RBFOX3: variants seen among roughly 807,000 people sequenced by gnomAD.
RBFOX3 encodes RNA binding fox-1 homolog 3, also known as RNA binding protein fox-1 homolog 3.
Under a neutral mutation model 48.7 loss-of-function variants are expected in RBFOX3, and 17 were observed. That is an observed-to-expected ratio of 0.35 (90% CI 0.24 to 0.52). The LOEUF (loss-of-function observed/expected upper bound fraction) is 0.52. RBFOX3 is among the 20% of genes least tolerant of loss of function. The pLI is 0.94. For missense variants in RBFOX3, 382 were observed against 497.5 expected (o/e 0.77, Z 2.21); for synonymous variants, 212 against 209.5 (o/e 1.01, Z -0.10).
intron 2 of RBFOX3, among the ~76,000 whole-genome samples, chr17:79,398,415 A>G (rs1285087321): frequency 6.6e-6 from 1 of 152,192 alleles, no homozygotes; most frequent in African/African-American, 2.4e-5. Context: ...GAGGCCTGGC[A>G]GGAGGACACA....
At chr17:79,097,669 C>CAA in intron 10 of RBFOX3, 23 bp downstream of exon 10, 2 of 1,329,766 alleles carry the variant, frequency 1.5e-6, no homozygotes, top group Non-Finnish European at 2.1e-6. Flanking sequence ...CTCATCCCAT[C>CAA]CCCGCCCCGC....
chr17:79,638,214 A>T, the RBFOX3 span, among the ~76,000 whole-genome samples: 9 of 151,918 alleles, frequency 5.9e-5, no homozygotes, highest in Non-Finnish European at 1.2e-4. Flanking sequence ...GCTCAAATAT[A>T]GTAGAAGAAG....
intron 2 of RBFOX3, among the ~76,000 whole-genome samples, chr17:79,340,420 G>C (rs1007040802): frequency 6.6e-6 from 1 of 152,178 alleles, no homozygotes; most frequent in Non-Finnish European, 1.5e-5. Flanking sequence ...GCTTCTATTC[G>C]TTCTTCCCCA....
At chr17:79,486,324 T>C (rs1211251137) in intron 1 of RBFOX3, among the ~76,000 whole-genome samples, 1 of 151,952 alleles carries the variant, frequency 6.6e-6, no homozygotes, top group East Asian at 1.9e-4. Flanking sequence ...GTCTCGGGAG[T>C]GAGCTGTGTC....
At chr17:79,349,637 C>T (rs1329297511) in intron 2 of RBFOX3, among the ~76,000 whole-genome samples, 1 of 152,142 alleles carries the variant, frequency 6.6e-6, no homozygotes, top group African/African-American at 2.4e-5. Flanking sequence ...GTGATCCCAC[C>T]AGGCCCGGCA....
chr17:79,123,463 C>T (rs956993129), intron 4 of RBFOX3, among the ~76,000 whole-genome samples: 5 of 151,958 alleles, frequency 3.3e-5, no homozygotes, highest in South Asian at 2.1e-4. Flanking sequence ...CCATGATCAC[C>T]GTCTGCCTCT....
At chr17:79,557,982 G>A (rs1425394434) in intron 1 of RBFOX3, among the ~76,000 whole-genome samples, 6 of 152,326 alleles carry the variant, frequency 3.9e-5, no homozygotes, top group African/African-American at 1.4e-4. Context: ...TTGAGATTCA[G>A]CTTGAAGAAA....
rs1023777815 is a variant in RBFOX3 at position 79,467,587 on chromosome 17, G to A, written c.-175+14867C>T. Reference sequence around the variant, plus strand: ...TGCCTGCCTGACAGAGAGGCTTACCGCCACCAGCAGCTCTGCTCCTGAGCT... The same window carrying A: ...TGCCTGCCTGACAGAGAGGCTTACCACCACCAGCAGCTCTGCTCCTGAGCT... On this transcript the variant is annotated intron_variant, in intron 2 of 14. Coordinates refer to ENST00000693108, the MANE Select transcript of RBFOX3 (RefSeq NM_001350451.2). 3.3e-5 allele frequency among the ~76,000 whole-genome samples: 5 copies of A among 152,066 alleles called. No homozygotes were observed. In the East Asian group the frequency reaches 7.7e-4, roughly 24 times the overall value.
At chr17:79,461,818 G>T (rs1275547282) in intron 2 of RBFOX3, among the ~76,000 whole-genome samples, 2 of 152,202 alleles carry the variant, frequency 1.3e-5, no homozygotes, top group African/African-American at 4.8e-5. Flanking sequence ...AGAGGAGAAG[G>T]CCATGTGACA....
Position 79,103,140 on chromosome 17 carries a change from C to T in RBFOX3, c.507+22G>A, listed in dbSNP as rs939901116. ...GTGGGCGATCTTGGGGCATCCCTGC[C>T]GCAGCACACTTATCTGAGCACCTCA... On this transcript the variant is annotated intron_variant, in intron 8 of 14. Coordinates refer to ENST00000693108, the MANE Select transcript of RBFOX3 (RefSeq NM_001350451.2). This position sits in a 1 kb window ranked among gnomAD's most constrained non-coding sequence, Gnocchi z 6.1. 2.1e-5 allele frequency: 32 copies of T among 1,535,032 alleles called. No homozygotes were observed. The highest frequency in any genetic ancestry group is 5.5e-5 in the African/African-American group (4 of 72,586).
chr17:79,338,659 CTG>C (rs1300226387), intron 2 of RBFOX3, among the ~76,000 whole-genome samples: 1 of 152,198 alleles, frequency 6.6e-6, no homozygotes, highest in African/African-American at 2.4e-5. Context: ...GGAGTAGAAT[CTG>C]TGAGTTTACC....
At chr17:79,261,856 C>G (rs1240609420) in intron 3 of RBFOX3, among the ~76,000 whole-genome samples, 2 of 152,174 alleles carry the variant, frequency 1.3e-5, no homozygotes, top group African/African-American at 2.4e-5. Context: ...TGATGGAACC[C>G]GAAGAGGGGA....
At chr17:79,385,120 C>G (rs1422249739) in intron 2 of RBFOX3, among the ~76,000 whole-genome samples, 1 of 152,178 alleles carries the variant, frequency 6.6e-6, no homozygotes, top group African/African-American at 2.4e-5. Context: ...CCACCTGCCA[C>G]AAACATCAGC....
chr17:79,188,578 C>T (rs1302089576), intron 4 of RBFOX3, among the ~76,000 whole-genome samples: 1 of 152,202 alleles, frequency 6.6e-6, no homozygotes, highest in Non-Finnish European at 1.5e-5. Flanking sequence ...GTTATAAGCA[C>T]ATCTCTCTCT....
intron 3 of RBFOX3, among the ~76,000 whole-genome samples, chr17:79,282,860 C>A (rs1337880696): frequency 6.6e-6 from 1 of 152,260 alleles, no homozygotes; most frequent in Non-Finnish European, 1.5e-5. Context: ...CTACTGGACA[C>A]CCACAAAACA....
intron 1 of RBFOX3, among the ~76,000 whole-genome samples, chr17:79,567,943 T>C (rs1430594388): frequency 6.6e-6 from 1 of 152,230 alleles, no homozygotes; most frequent in Non-Finnish European, 1.5e-5. Flanking sequence ...CTGCACTGTC[T>C]ATTAAGAGAT....
chr17:79,643,296 G>A, the RBFOX3 span, among the ~76,000 whole-genome samples: 1 of 152,062 alleles, frequency 6.6e-6, no homozygotes, highest in Non-Finnish European at 1.5e-5. Context: ...CCTAAGAGAA[G>A]AACTTCACAA....
Position 79,481,657 on chromosome 17 carries a change from A to G in RBFOX3, c.-175+797T>C, listed in dbSNP as rs1197607771. On this transcript the variant is annotated intron_variant, in intron 2 of 14. Transcript: ENST00000693108. This position sits in a 1 kb window ranked among gnomAD's most constrained non-coding sequence, Gnocchi z 5.4. ...GGCTCGGGGAGCTTGCGGTTGGTGA[A>G]CTTGTGGGTGAACCAGCAGGGTGGT... Among the ~76,000 whole-genome samples, 3 of 152,092 alleles carry G rather than the reference A, an allele frequency of 2.0e-5. No homozygotes were observed. Among genetic ancestry groups the G allele is most frequent in the African/African-American group, 7.2e-5 (3 of 41,406 alleles).
intron 1 of RBFOX3, among the ~76,000 whole-genome samples, chr17:79,549,697 G>T (rs1239963056): frequency 6.6e-6 from 1 of 152,206 alleles, no homozygotes; most frequent in African/African-American, 2.4e-5. Context: ...AGCAGGTGCT[G>T]CTCCCCAGTG....
Sources: gnomAD v4.1 joint callset for allele counts (sites outside exome capture counted in the v4.1 genomes callset) on GRCh38, gnomAD v4.1.1 for gene constraint, Gnocchi (gnomAD v3.1) non-coding constraint, MANE v1.5 for transcripts, NCBI Gene and HGNC (gene_info 2026-07-23, HGNC 2026-07-21) for gene names.